Variants in APBA1 observed in about 807,000 individuals in gnomAD.
APBA1 encodes amyloid beta precursor protein binding family A member 1.
APBA1 carries 55 observed loss-of-function variants against 86.6 expected under a neutral mutation model. That is an observed-to-expected ratio of 0.64 (90% CI 0.51 to 0.80). The LOEUF (loss-of-function observed/expected upper bound fraction) is 0.80, where lower values mean the gene tolerates loss of function less well. Among genes scored for constraint, APBA1 ranks in the 30% least tolerant of loss-of-function variants. The pLI is 0.00. For synonymous variants in APBA1, 511 were observed against 493.9 expected (o/e 1.03, Z -0.46); for missense variants, 1,090 against 1,183.0 (o/e 0.92, Z 1.15).
chr9:69,644,328 C>T (rs564048973), intron 1 of APBA1, among the ~76,000 whole-genome samples: 2 of 152,162 alleles, frequency 1.3e-5, no homozygotes, highest in Non-Finnish European at 2.9e-5. Context: ...TGAATGACCA[C>T]CACCACAGTC....
chr9:69,451,132 C>T (rs1245700746), intron 9 of APBA1, among the ~76,000 whole-genome samples: 1 of 152,208 alleles, frequency 6.6e-6, no homozygotes, highest in Non-Finnish European at 1.5e-5. Context: ...AAAGGCTTGC[C>T]AGCTCCCTCG....
rs113247221 is a variant in APBA1 at position 69,561,918 on chromosome 9, C to T, written c.-69-44639G>A. ...CTGGGATTACAGGCATGAGCCACTG[C>T]GCCCTGCTGTCTAGGGGATTTTTTA... On this transcript the variant is annotated intron_variant, in intron 1 of 12. Transcript: ENST00000265381. 2.8e-4 allele frequency among the ~76,000 whole-genome samples: 42 copies of T among 152,234 alleles called. No homozygotes were observed. In the Middle Eastern group the frequency reaches 0.014, roughly 49 times the overall value.
At chr9:69,569,945 T>A (rs573023427) in intron 1 of APBA1, among the ~76,000 whole-genome samples, 34 of 152,340 alleles carry the variant, frequency 2.2e-4, no homozygotes, top group African/African-American at 8.2e-4. Flanking sequence ...TAAATTCTTG[T>A]TCCCATGCCA....
At chr9:69,584,334 G>GT (rs1474887886) in intron 1 of APBA1, among the ~76,000 whole-genome samples, 4 of 152,238 alleles carry the variant, frequency 2.6e-5, no homozygotes, top group South Asian at 2.1e-4. Context: ...TGTTTTAAGT[G>GT]TTTTGGCTGT....
intron 1 of APBA1, among the ~76,000 whole-genome samples, chr9:69,619,044 T>C (rs190447402): frequency 2.0e-5 from 3 of 152,274 alleles, no homozygotes; most frequent in Admixed American, 2.0e-4. Flanking sequence ...CATATTTTGG[T>C]TCTTTTCATT....
At chr9:69,593,302 G>A (rs900715077) in intron 1 of APBA1, among the ~76,000 whole-genome samples, 9 of 152,146 alleles carry the variant, frequency 5.9e-5, no homozygotes, top group Admixed American at 2.6e-4. Context: ...TAGGAAACAT[G>A]ACATTTTTCC....
intron 1 of APBA1, among the ~76,000 whole-genome samples, chr9:69,666,926 G>A (rs1014633919): frequency 6.6e-6 from 1 of 152,128 alleles, no homozygotes; most frequent in African/African-American, 2.4e-5. Flanking sequence ...GTTTATTCAT[G>A]TATTCATGTG....
At chr9:69,445,556 C>T (rs1009148775) in intron 10 of APBA1, among the ~76,000 whole-genome samples, 8 of 152,234 alleles carry the variant, frequency 5.3e-5, no homozygotes, top group Non-Finnish European at 7.4e-5. Context: ...AGAGCAGAAC[C>T]ATGATGCTCC....
chr9:69,577,856 A>G (rs1302867644), intron 1 of APBA1, among the ~76,000 whole-genome samples: 1 of 152,154 alleles, frequency 6.6e-6, no homozygotes, highest in African/African-American at 2.4e-5. Context: ...GGACTTATCT[A>G]AGGTAGCACA....
intron 1 of APBA1, among the ~76,000 whole-genome samples, chr9:69,605,852 G>T (rs1822459579): frequency 6.6e-6 from 1 of 152,166 alleles, no homozygotes; most frequent in South Asian, 2.1e-4. Flanking sequence ...ATTGACTGTG[G>T]TATTCCCAGC....
intron 11 of APBA1, among the ~76,000 whole-genome samples, chr9:69,436,091 G>A (rs907494727): frequency 4.7e-5 from 7 of 150,404 alleles, no homozygotes; most frequent in Non-Finnish European, 1.0e-4. Flanking sequence ...GACAGTTGTA[G>A]ATATGTGGCA....
chr9:69,608,453 T>C (rs991497573), intron 1 of APBA1, among the ~76,000 whole-genome samples: 2 of 152,312 alleles, frequency 1.3e-5, no homozygotes, highest in Admixed American at 1.3e-4. Flanking sequence ...TATTCACTGT[T>C]GTTACCCAGA....
intron 11 of APBA1, 43 bp from the exon 12 acceptor site, chr9:69,432,719 C>T (rs3737172): frequency 0.19 from 271,325 of 1,441,426 alleles, 26,439 homozygotes; most frequent in South Asian, 0.31. Flanking sequence ...GCAGACAGTG[C>T]GGTGGGGCTG....
At chr9:69,610,213 T>C (rs1221402819) in intron 1 of APBA1, among the ~76,000 whole-genome samples, 1 of 152,006 alleles carries the variant, frequency 6.6e-6, no homozygotes, top group Non-Finnish European at 1.5e-5. Context: ...CTAGCTGCTT[T>C]TGAGGCTGAG....
intron 1 of APBA1, among the ~76,000 whole-genome samples, chr9:69,523,899 A>G (rs1044229660): frequency 6.6e-6 from 1 of 152,130 alleles, no homozygotes; most frequent in Non-Finnish European, 1.5e-5. Flanking sequence ...TTGGATCACA[A>G]TGGAATAAAA....
At chr9:69,547,302 A>G (rs1209656862) in intron 1 of APBA1, among the ~76,000 whole-genome samples, 1 of 152,194 alleles carries the variant, frequency 6.6e-6, no homozygotes, top group Non-Finnish European at 1.5e-5. Context: ...CTTGACTCCC[A>G]CATTTCCAAG....
At chr9:69,636,807 G>A (rs1291512839) in intron 1 of APBA1, among the ~76,000 whole-genome samples, 1 of 13,746 alleles carries the variant, frequency 7.3e-5, no homozygotes, top group African/African-American at 2.1e-4. Flanking sequence ...AAAAAGAAGA[G>A]AGAGAGAGAG....
intron 1 of APBA1, among the ~76,000 whole-genome samples, chr9:69,533,836 G>A (rs529298550): frequency 6.6e-6 from 1 of 152,262 alleles, no homozygotes; most frequent in South Asian, 2.1e-4. Context: ...ATTTTACAGA[G>A]AAGAAAACCA....
chr9:69,541,547 ATTT>A (rs11461593), intron 1 of APBA1, among the ~76,000 whole-genome samples: 51,445 of 142,092 alleles, frequency 0.36, 9,908 homozygotes, highest in Middle Eastern at 0.45. Flanking sequence ...TCTTTTTTGC[ATTT>A]TTTTTTTTTT....
Sources: allele counts gnomAD v4.1 joint callset (sites outside exome capture counted in the v4.1 genomes callset), GRCh38; gene constraint gnomAD v4.1.1; transcripts MANE v1.5; gene names NCBI Gene and HGNC (gene_info 2026-07-23, HGNC 2026-07-21).